Variants in DYM observed in about 807,000 individuals in gnomAD.
DYM encodes dymeclin.
Under a neutral mutation model 93.1 loss-of-function variants are expected in DYM, and 78 were observed. That is an observed-to-expected ratio of 0.84 (90% CI 0.70 to 1.01). The LOEUF (loss-of-function observed/expected upper bound fraction) is 1.01, where lower values mean the gene tolerates loss of function less well. Ranked by LOEUF, DYM falls within the 50% of genes least tolerant of loss-of-function variation. The pLI is 0.00. For missense variants in DYM, 789 were observed against 845.0 expected, an observed-to-expected ratio of 0.93 and a Z score of 0.82; for synonymous variants, 321 against 319.7, an observed-to-expected ratio of 1.00 and a Z score of -0.04.
At chr18:49,311,577 G>A (rs1357602027) in intron 8 of DYM, among the ~76,000 whole-genome samples, 7 of 152,068 alleles carry the variant, frequency 4.6e-5, no homozygotes, top group Non-Finnish European at 8.8e-5. Flanking sequence ...GTCCTTTGTA[G>A]GGACATCGAT....
At chr18:49,195,660 T>A (rs1312068550) in intron 14 of DYM, among the ~76,000 whole-genome samples, 1 of 151,946 alleles carries the variant, frequency 6.6e-6, no homozygotes, top group African/African-American at 2.4e-5. Flanking sequence ...CAAGAAAAAG[T>A]TTTGTGTTTT....
intron 15 of DYM, among the ~76,000 whole-genome samples, chr18:49,149,015 G>A (rs948755978): frequency 7.9e-5 from 12 of 152,106 alleles, no homozygotes; most frequent in African/African-American, 2.9e-4. Context: ...TGGGAGCCCT[G>A]AGCTTGTTAT....
chr18:49,419,029 C>G (rs1357570038), intron 2 of DYM, among the ~76,000 whole-genome samples: 1 of 152,038 alleles, frequency 6.6e-6, no homozygotes, highest in Admixed American at 6.6e-5. Context: ...TTCTAAGATC[C>G]CTTTATACGT....
intron 17 of DYM, among the ~76,000 whole-genome samples, chr18:49,080,751 A>G (rs9675550): frequency 0.82 from 112,218 of 136,834 alleles, 45,845 homozygotes; most frequent in South Asian, 0.91. Context: ...CAGACGGGGC[A>G]GCTCCGGGCG....
intron 15 of DYM, among the ~76,000 whole-genome samples, chr18:49,154,597 G>A (rs1449079096): frequency 2.0e-5 from 3 of 152,110 alleles, no homozygotes; most frequent in East Asian, 3.9e-4. Flanking sequence ...GTTTCACCAC[G>A]TTGTTCAGGC....
chr18:49,099,737 C>T (rs756313479), intron 16 of DYM, among the ~76,000 whole-genome samples: 2 of 152,116 alleles, frequency 1.3e-5, no homozygotes, highest in Non-Finnish European at 1.5e-5. Context: ...TATTCACCCA[C>T]GGTAAGATGC....
At chr18:49,256,277 C>T (rs557809998) in intron 13 of DYM, among the ~76,000 whole-genome samples, 9 of 152,120 alleles carry the variant, frequency 5.9e-5, no homozygotes, top group Non-Finnish European at 1.3e-4. Context: ...AATCCTGGAT[C>T]AGGAAGGGTC....
chr18:49,259,873 T>C (rs1191732730), intron 11 of DYM, among the ~76,000 whole-genome samples: 4 of 152,154 alleles, frequency 2.6e-5, no homozygotes, highest in Non-Finnish European at 2.9e-5. Flanking sequence ...TTAAGTTTCA[T>C]AGTGTTCATA....
At chr18:49,234,550 A>G (rs28651582) in intron 13 of DYM, among the ~76,000 whole-genome samples, 4,087 of 152,188 alleles carry the variant, frequency 0.027, 183 homozygotes, top group African/African-American at 0.092. Context: ...TGGACCTAAG[A>G]AGGAGGATGA....
chr18:49,170,485 G>C (rs998612764), intron 14 of DYM, among the ~76,000 whole-genome samples: 1 of 152,062 alleles, frequency 6.6e-6, no homozygotes, highest in Non-Finnish European at 1.5e-5. Flanking sequence ...TGTAATGTAA[G>C]AAAGAACTGT....
At chr18:49,301,522 G>GA (rs1184317921) in intron 8 of DYM, among the ~76,000 whole-genome samples, 4,294 of 46,330 alleles carry the variant, frequency 0.093, 234 homozygotes, top group African/African-American at 0.25. Context: ...CTCCGTCTCA[G>GA]AAAAAAAAAA....
At chr18:49,102,637 A>G (rs181835992) in intron 16 of DYM, among the ~76,000 whole-genome samples, 9 of 152,140 alleles carry the variant, frequency 5.9e-5, no homozygotes, top group African/African-American at 1.9e-4. Flanking sequence ...TCATTGTTCA[A>G]TTCCCACCTG....
In DYM at chr18:49,134,662, C is replaced by T. The variant is rs367884417; in HGVS notation, c.1729-15736G>A. Reference sequence around the variant, plus strand: ...AAAATAACCACGATGATTTCACAAACATTAGCTGAGTGCCAACATCATGAC... The same window carrying T: ...AAAATAACCACGATGATTTCACAAATATTAGCTGAGTGCCAACATCATGAC... On this transcript the variant is annotated intron_variant, in intron 15 of 17. Transcript: ENST00000675505. 1.8e-4 allele frequency among the ~76,000 whole-genome samples: 28 copies of T among 152,258 alleles called. No homozygotes were observed. In the South Asian group the frequency reaches 5.0e-3, roughly 27 times the overall value.
intron 2 of DYM, among the ~76,000 whole-genome samples, chr18:49,423,290 G>A (rs536064790): frequency 1.4e-3 from 207 of 152,284 alleles, no homozygotes; most frequent in African/African-American, 4.7e-3. Context: ...GCTCCTGAAT[G>A]ACTACTGGGT....
intron 8 of DYM, among the ~76,000 whole-genome samples, chr18:49,289,742 T>TATATATATATATATACAC (rs2059933492): frequency 4.8e-5 from 1 of 20,962 alleles, no homozygotes; most frequent in Non-Finnish European, 9.9e-5. Flanking sequence ...TATATATATA[T>TATATATATATATATACAC]ATATATATAT....
chr18:49,245,010 T>C (rs1484535910), intron 13 of DYM, among the ~76,000 whole-genome samples: 5 of 152,200 alleles, frequency 3.3e-5, no homozygotes, highest in Admixed American at 3.3e-4. Context: ...TGGACATTTA[T>C]TACTTCCCCA....
chr18:49,176,624 G>A (rs1185579940), intron 14 of DYM, among the ~76,000 whole-genome samples: 2 of 131,654 alleles, frequency 1.5e-5, no homozygotes, highest in South Asian at 2.6e-4. Flanking sequence ...CTTGTTGCCC[G>A]CACTGGTCTT....
chr18:49,374,085 A>T (rs751693012), intron 5 of DYM, among the ~76,000 whole-genome samples: 2 of 152,242 alleles, frequency 1.3e-5, no homozygotes, highest in African/African-American at 2.4e-5. Flanking sequence ...TATAAAGCAC[A>T]AGCTCTGAAA....
intron 15 of DYM, among the ~76,000 whole-genome samples, chr18:49,155,653 G>C (rs2086323622): frequency 6.6e-6 from 1 of 152,138 alleles, no homozygotes; most frequent in South Asian, 2.1e-4. Context: ...CTTGTTACTG[G>C]CTCCTTTCAC....
Sources: allele counts gnomAD v4.1 joint callset (sites outside exome capture counted in the v4.1 genomes callset), GRCh38; gene constraint gnomAD v4.1.1; transcripts MANE v1.5; gene names NCBI Gene and HGNC (gene_info 2026-07-23, HGNC 2026-07-21).